The following SPRYD7 variants were observed in gnomAD, a reference collection of about 807,000 sequenced individuals.
SPRYD7 encodes SPRY domain-containing protein 7.
SPRYD7 carries 14 observed loss-of-function variants against 23.8 expected under a neutral mutation model. That is an observed-to-expected ratio of 0.59 (90% CI 0.39 to 0.92). The LOEUF is 0.92. SPRYD7 is among the 40% of genes least tolerant of loss of function. The pLI is 0.00. For missense variants in SPRYD7, 194 were observed against 241.7 expected (o/e 0.80, Z 1.31); for synonymous variants, 75 against 84.9 (o/e 0.88, Z 0.64).
intron 4 of SPRYD7, among the ~76,000 whole-genome samples, chr13:49,919,224 C>T (rs932744306): frequency 2.0e-5 from 3 of 151,426 alleles, no homozygotes; most frequent in Non-Finnish European, 4.4e-5. Flanking sequence ...CGAGATCAGC[C>T]TGGCCAACAT....
intron 2 of SPRYD7, among the ~76,000 whole-genome samples, chr13:49,928,355 T>C (rs1955907849): frequency 6.6e-6 from 1 of 152,170 alleles, no homozygotes; most frequent in African/African-American, 2.4e-5. Context: ...GGTGGGAGGA[T>C]TGTTGGAGCC....
intron 2 of SPRYD7, among the ~76,000 whole-genome samples, chr13:49,929,024 G>A (rs1955916009): frequency 6.8e-6 from 1 of 147,124 alleles, no homozygotes; most frequent in African/African-American, 2.6e-5. Context: ...TTGTAGAGAT[G>A]GGGTTGTGCT....
At chr13:49,926,005 T>A (rs1269808277) in intron 3 of SPRYD7, among the ~76,000 whole-genome samples, 1 of 152,200 alleles carries the variant, frequency 6.6e-6, no homozygotes, top group East Asian at 1.9e-4. Flanking sequence ...TCTAAACACA[T>A]GAGAATGCTT....
At position 49,914,542 on chromosome 13, in the gene SPRYD7, G is replaced by A. The variant is rs976317408; in HGVS notation, c.*521C>T. 6.6e-6 allele frequency: 1 copy of A among 152,304 alleles called. No homozygotes were observed. Among genetic ancestry groups the A allele is most frequent in the Non-Finnish European group, 1.5e-5 (1 of 68,000 alleles). The allele number at this position is 152,304 out of a possible 1,614,324, so 9.4% of individuals were successfully genotyped here. A position where few individuals can be genotyped will look rare whatever the true frequency, so the allele number is the denominator to read the frequency against. On this transcript the variant is annotated 3_prime_UTR_variant, in exon 5 of 5. Coordinates refer to ENST00000361840, the MANE Select transcript of SPRYD7 (RefSeq NM_020456.4). ...TTACACAACAAAATAAGCAATTTAA[G>A]TTTTAAGAAAAGCGGTACATGATAC...
At chr13:49,934,938 G>T (rs1299973290) in intron 1 of SPRYD7, among the ~76,000 whole-genome samples, 1 of 152,138 alleles carries the variant, frequency 6.6e-6, no homozygotes, top group Admixed American at 6.6e-5. Flanking sequence ...AACTGAAATG[G>T]AAATATTTTC....
At chr13:49,918,415 T>TG (rs1285704113) in intron 4 of SPRYD7, among the ~76,000 whole-genome samples, 1 of 146,306 alleles carries the variant, frequency 6.8e-6, no homozygotes, top group Non-Finnish European at 1.5e-5. Flanking sequence ...TTTTTTTTTT[T>TG]TTCTTTTTTT....
At chr13:49,936,038 G>T (rs1871608325) in intron 1 of SPRYD7, 92 bp downstream of exon 1, 1 of 741,524 alleles carries the variant, frequency 1.3e-6, no homozygotes, top group Non-Finnish European at 2.0e-6. Flanking sequence ...GCGCGGCGGG[G>T]CAGCGTGGGG....
At chr13:49,917,204 C>T (rs938426472) in intron 4 of SPRYD7, among the ~76,000 whole-genome samples, 3 of 152,054 alleles carry the variant, frequency 2.0e-5, no homozygotes, top group East Asian at 1.9e-4. Context: ...CCCCGGTTCA[C>T]GCTATTCTCT....
intron 1 of SPRYD7, among the ~76,000 whole-genome samples, chr13:49,934,320 G>C (rs1486898644): frequency 6.6e-6 from 1 of 152,048 alleles, no homozygotes; most frequent in African/African-American, 2.4e-5. Flanking sequence ...CACTTTGGGA[G>C]GCTGAGAGGC....
chr13:49,927,839 TC>T (rs1955899368), intron 3 of SPRYD7, 79 bp downstream of exon 3: 1 of 1,481,500 alleles, frequency 6.7e-7, no homozygotes, highest in Non-Finnish European at 9.2e-7. Flanking sequence ...AACCACAAAC[TC>T]CCAGACAAAG....
intron 1 of SPRYD7, among the ~76,000 whole-genome samples, chr13:49,934,724 A>G (rs983810835): frequency 3.3e-5 from 5 of 152,196 alleles, no homozygotes; most frequent in African/African-American, 4.8e-5. Flanking sequence ...CTCTTCCTAG[A>G]GGAAACAGAT....
chr13:49,921,457 A>T, intron 4 of SPRYD7, 21 bp downstream of exon 4: 1 of 1,435,080 alleles, frequency 7.0e-7, no homozygotes, highest in Non-Finnish European at 9.8e-7. Context: ...GTAATAATAC[A>T]TTAGAAATAT....
At chr13:49,924,601 C>G (rs1955857962) in intron 3 of SPRYD7, among the ~76,000 whole-genome samples, 1 of 152,074 alleles carries the variant, frequency 6.6e-6, no homozygotes, top group African/African-American at 2.4e-5. Flanking sequence ...GCCATAGTAT[C>G]TGGCTGAGCT....
chr13:49,918,837 C>A (rs1384128142), intron 4 of SPRYD7, among the ~76,000 whole-genome samples: 1 of 151,874 alleles, frequency 6.6e-6, no homozygotes, highest in Non-Finnish European at 1.5e-5. Flanking sequence ...GTCTCAGCCT[C>A]CCATGTAACT....
In SPRYD7 at chr13:49,924,986, AAATAAAT is replaced by A. The variant is rs1163522773; in HGVS notation, c.390+2926_390+2932del. ...AGCAAAACTCCATCTCAAAAAAAAA[AAATAAAT>A]AAATAATAATAATAATAATAATAAT... On this transcript the variant is annotated intron_variant, in intron 3 of 4. Coordinates refer to ENST00000361840, the MANE Select transcript of SPRYD7 (RefSeq NM_020456.4). Among the ~76,000 whole-genome samples the A allele has an allele frequency of 1.3e-4, 17 of 134,136 alleles. No homozygotes were observed. In the East Asian group the frequency reaches 1.8e-3, roughly 14 times the overall value. 88.0% of individuals were successfully genotyped at this position (134,136 alleles called of 152,430 possible).
chr13:49,918,141 G>A (rs1391247158), intron 4 of SPRYD7, among the ~76,000 whole-genome samples: 1 of 152,008 alleles, frequency 6.6e-6, no homozygotes, highest in Non-Finnish European at 1.5e-5. Context: ...CTGCTCACAG[G>A]AGACTTGACC....
At chr13:49,919,215 G>A (rs1289832444) in intron 4 of SPRYD7, among the ~76,000 whole-genome samples, 2 of 151,248 alleles carry the variant, frequency 1.3e-5, no homozygotes, top group Admixed American at 6.6e-5. Flanking sequence ...TCAGGAGTTC[G>A]AGATCAGCCT....
intron 4 of SPRYD7, among the ~76,000 whole-genome samples, chr13:49,917,122 G>C (rs1352250469): frequency 6.6e-6 from 1 of 150,828 alleles, no homozygotes; most frequent in African/African-American, 2.4e-5. Flanking sequence ...TTTCTTTTTT[G>C]AGACAGAGTC....
At chr13:49,920,300 G>A (rs75322197) in intron 4 of SPRYD7, among the ~76,000 whole-genome samples, 161 of 151,880 alleles carry the variant, frequency 1.1e-3, no homozygotes, top group East Asian at 8.1e-3. Context: ...AAAAATTAAA[G>A]TTAAAATTAA....
Sources: gnomAD v4.1 joint callset for allele counts (sites outside exome capture counted in the v4.1 genomes callset) on GRCh38, gnomAD v4.1.1 for gene constraint, MANE v1.5 for transcripts, NCBI Gene and HGNC (gene_info 2026-07-23, HGNC 2026-07-21) for gene names.